The following DNAJC5B variants were observed in gnomAD, a reference collection of about 807,000 sequenced individuals.
The protein encoded by DNAJC5B is DnaJ heat shock protein family (Hsp40) member C5 beta.
DNAJC5B carries 23 observed loss-of-function variants against 24.7 expected under a neutral mutation model. That is an observed-to-expected ratio of 0.93 (90% CI 0.67 to 1.32). The LOEUF (loss-of-function observed/expected upper bound fraction) is 1.32. DNAJC5B is among the 40% of genes most tolerant of loss of function. DNAJC5B has a pLI of 0.00. For synonymous variants in DNAJC5B, 101 were observed against 90.1 expected, an observed-to-expected ratio of 1.12 and a Z score of -0.68; for missense variants, 238 against 240.8, an observed-to-expected ratio of 0.99 and a Z score of 0.08.
intron 5 of DNAJC5B, among the ~76,000 whole-genome samples, chr8:66,090,415 A>C (rs1422364617): frequency 6.6e-6 from 1 of 152,134 alleles, no homozygotes; most frequent in African/African-American, 2.4e-5. Flanking sequence ...TGAAGGCAGT[A>C]GAATGACATC....
At chr8:66,021,359 G>T (rs1806116953), upstream of DNAJC5B, among the ~76,000 whole-genome samples, 1 of 152,172 alleles carries the variant, frequency 6.6e-6, no homozygotes, top group Non-Finnish European at 1.5e-5. Context: ...TTCCCTGAGG[G>T]CCCTCACAAG....
upstream of DNAJC5B, among the ~76,000 whole-genome samples, chr8:66,019,819 A>G (rs1015779200): frequency 1.3e-4 from 20 of 152,234 alleles, no homozygotes; most frequent in African/African-American, 4.8e-4. Flanking sequence ...CAGTGCTTCA[A>G]AAAACCTCTT....
At chr8:66,082,485 G>A (rs982824792) in intron 5 of DNAJC5B, among the ~76,000 whole-genome samples, 2 of 152,110 alleles carry the variant, frequency 1.3e-5, no homozygotes, top group Non-Finnish European at 2.9e-5. Context: ...CTAGGTGCCA[G>A]ATTCCACCCA....
chr8:66,056,752 A>G (rs1438834123), intron 3 of DNAJC5B: 1 of 152,322 alleles, frequency 6.6e-6, no homozygotes, highest in Non-Finnish European at 1.5e-5. Flanking sequence ...CCTACAAAGA[A>G]GCAAGAAAAT....
At chr8:66,070,908 A>G (rs1160353547) in intron 3 of DNAJC5B, among the ~76,000 whole-genome samples, 3 of 152,188 alleles carry the variant, frequency 2.0e-5, no homozygotes, top group Admixed American at 6.5e-5. Flanking sequence ...CACATCTACA[A>G]TCATCTGATT....
intron 5 of DNAJC5B, among the ~76,000 whole-genome samples, 158 bp downstream of exon 5, chr8:66,080,706 A>G (rs1807577458): frequency 6.6e-6 from 1 of 152,180 alleles, no homozygotes; most frequent in South Asian, 2.1e-4. Context: ...TCTGGGGAGA[A>G]TGAAAAGATA....
intron 1 of DNAJC5B, among the ~76,000 whole-genome samples, chr8:66,028,240 A>T (rs1210060508): frequency 6.6e-6 from 1 of 152,160 alleles, no homozygotes; most frequent in Non-Finnish European, 1.5e-5. Context: ...TGGCCCCGGC[A>T]CAACCGCTCT....
chr8:66,087,464 A>G (rs1351524304), intron 5 of DNAJC5B, among the ~76,000 whole-genome samples: 2 of 152,132 alleles, frequency 1.3e-5, no homozygotes, highest in South Asian at 4.1e-4. Flanking sequence ...GAAACCAATC[A>G]TGCCTTCCCA....
At position 66,054,787 on chromosome 8, in the gene DNAJC5B, G is replaced by A. The variant is rs762751590; in HGVS notation, c.119+3121G>A. 1.2e-4 allele frequency among the ~76,000 whole-genome samples: 19 copies of A among 152,258 alleles called. 1 individual carries two copies. The highest frequency in any genetic ancestry group is 6.5e-4 in the Admixed American group (10 of 15,292). Reference sequence around the variant, plus strand: ...TTTTGCCCTAGACCTATCCAGAGGCGCGTGCCTGGGAGCTGCCCACACCTG... The same window carrying A: ...TTTTGCCCTAGACCTATCCAGAGGCACGTGCCTGGGAGCTGCCCACACCTG... On this transcript the variant is annotated intron_variant, in intron 3 of 5. Coordinates refer to ENST00000276570, the MANE Select transcript of DNAJC5B (RefSeq NM_033105.6).
intron 1 of DNAJC5B, among the ~76,000 whole-genome samples, chr8:66,037,031 G>T (rs1371676495): frequency 3.3e-5 from 5 of 152,144 alleles, no homozygotes; most frequent in Admixed American, 6.5e-5. Context: ...TTGCTTCCTG[G>T]GCTCATCCTT....
At chr8:66,047,457 A>T (rs1806745804) in intron 2 of DNAJC5B, among the ~76,000 whole-genome samples, 1 of 152,200 alleles carries the variant, frequency 6.6e-6, no homozygotes, top group Non-Finnish European at 1.5e-5. Context: ...ATGATTTTAT[A>T]AGATAGCTTC....
At chr8:66,071,602 G>A (rs578126159) in intron 3 of DNAJC5B, among the ~76,000 whole-genome samples, 24 of 152,282 alleles carry the variant, frequency 1.6e-4, no homozygotes, top group Admixed American at 1.4e-3. Flanking sequence ...ACACGTTAGT[G>A]GGAGTGTAAA....
upstream of DNAJC5B, among the ~76,000 whole-genome samples, chr8:66,018,300 C>A (rs571858702): frequency 5.0e-4 from 76 of 152,132 alleles, no homozygotes; most frequent in African/African-American, 1.8e-3. Context: ...GGGTGGATCA[C>A]GAGGTCAGGA....
intron 3 of DNAJC5B, among the ~76,000 whole-genome samples, chr8:66,052,767 G>C (rs534561028): frequency 2.6e-5 from 4 of 152,274 alleles, no homozygotes; most frequent in African/African-American, 9.6e-5. Context: ...TACTTGTCTT[G>C]ACAATATTTT....
intron 5 of DNAJC5B, among the ~76,000 whole-genome samples, chr8:66,082,295 G>C (rs1269484139): frequency 6.6e-6 from 1 of 151,782 alleles, no homozygotes; most frequent in South Asian, 2.1e-4. Context: ...CCAAACCTAG[G>C]TATCCCCTAG....
At chr8:66,042,826 G>A (rs986062877) in intron 1 of DNAJC5B, among the ~76,000 whole-genome samples, 4 of 151,420 alleles carry the variant, frequency 2.6e-5, no homozygotes, top group Non-Finnish European at 4.4e-5. Flanking sequence ...TCAACTAGAG[G>A]TGAGAGTGCT....
At chr8:66,094,983 G>A (rs1807919343) in intron 5 of DNAJC5B, among the ~76,000 whole-genome samples, 1 of 151,976 alleles carries the variant, frequency 6.6e-6, no homozygotes, top group South Asian at 2.1e-4. Flanking sequence ...ATTGACTATT[G>A]TATTATTTGA....
At chr8:66,058,158 G>T (rs574430567) in intron 3 of DNAJC5B, 24 of 152,250 alleles carry the variant, frequency 1.6e-4, no homozygotes, top group African/African-American at 5.3e-4. Flanking sequence ...TTCATGAAAG[G>T]TTTTCTCATT....
intron 1 of DNAJC5B, among the ~76,000 whole-genome samples, chr8:66,041,321 C>CT (rs1806603585): frequency 6.6e-6 from 1 of 152,178 alleles, no homozygotes; most frequent in African/African-American, 2.4e-5. Flanking sequence ...AAAAGAAAGA[C>CT]TATGTAACCC....
Sources: gnomAD v4.1 joint callset for allele counts (sites outside exome capture counted in the v4.1 genomes callset) on GRCh38, gnomAD v4.1.1 for gene constraint, MANE v1.5 for transcripts, NCBI Gene and HGNC (gene_info 2026-07-23, HGNC 2026-07-21) for gene names.